The following ADAMTSL3 variants were observed in gnomAD, a reference collection of about 807,000 sequenced individuals.
ADAMTSL3 encodes ADAMTS like 3.
In ADAMTSL3, 128 loss-of-function variants were observed where a neutral mutation model predicts 201.7. The ratio of observed to expected loss-of-function variants is 0.63; its 90% CI spans 0.55 to 0.73. The LOEUF (loss-of-function observed/expected upper bound fraction) is 0.73, where lower values mean the gene tolerates loss of function less well. ADAMTSL3 is among the 30% of genes least tolerant of loss of function. The pLI, the probability that ADAMTSL3 is intolerant of heterozygous loss-of-function variation, is 0.00. For missense variants in ADAMTSL3, 1,990 were observed against 2,119.6 expected (o/e 0.94, Z 1.20); for synonymous variants, 738 against 748.4 (o/e 0.99, Z 0.23).
chr15:83,950,275 A>T (rs62027811), intron 19 of ADAMTSL3, among the ~76,000 whole-genome samples: 1 of 151,916 alleles, frequency 6.6e-6, no homozygotes, highest in African/African-American at 2.4e-5. Context: ...CCTTTCCCCA[A>T]TGTATGATCT....
chr15:83,937,956 A>C (rs2066490491), intron 17 of ADAMTSL3, among the ~76,000 whole-genome samples: 1 of 151,008 alleles, frequency 6.6e-6, no homozygotes, highest in Non-Finnish European at 1.5e-5. Context: ...GAGCTAAGGG[A>C]GATTAAATTG....
Position 83,825,166 on chromosome 15 carries a change from C to T in ADAMTSL3, c.600+5119C>T, listed in dbSNP as rs554602220. Among the ~76,000 whole-genome samples the T allele has an allele frequency of 2.0e-5, 3 of 152,120 alleles. No homozygotes were observed. The East Asian group carries it at 5.8e-4, about 29-fold the overall frequency. On this transcript the variant is annotated intron_variant, in intron 6 of 29. Coordinates refer to ENST00000286744, the MANE Select transcript of ADAMTSL3 (RefSeq NM_207517.3). ...CATATAATTCTTCCATTTTATAAAC[C>T]GTCTATTGTTCCCCATTATTGCCAT... is the stretch of plus-strand genomic sequence containing the variant.
chr15:83,997,078 T>C (rs1567291237), intron 23 of ADAMTSL3, among the ~76,000 whole-genome samples: 1 of 152,142 alleles, frequency 6.6e-6, no homozygotes, highest in African/African-American at 2.4e-5. Context: ...TAAAATCTGA[T>C]CAAGTCAAAG....
At chr15:84,007,674 C>T (rs2067919505) in intron 23 of ADAMTSL3, among the ~76,000 whole-genome samples, 1 of 152,084 alleles carries the variant, frequency 6.6e-6, no homozygotes. Flanking sequence ...ACATCATAAG[C>T]AGTTTATTTT....
At chr15:84,032,758 G>C (rs896798921) in intron 28 of ADAMTSL3, among the ~76,000 whole-genome samples, 1 of 152,010 alleles carries the variant, frequency 6.6e-6, no homozygotes, top group African/African-American at 2.4e-5. Context: ...ATGGACATTG[G>C]ATAGTTTCAA....
chr15:83,979,127 C>T (rs2067340395), intron 20 of ADAMTSL3, among the ~76,000 whole-genome samples: 1 of 152,260 alleles, frequency 6.6e-6, no homozygotes, highest in Admixed American at 6.5e-5. Context: ...TTTAGCCAGA[C>T]GTTTCCCCAT....
chr15:83,824,566 A>G (rs1224480669), intron 6 of ADAMTSL3, among the ~76,000 whole-genome samples: 1 of 152,192 alleles, frequency 6.6e-6, no homozygotes, highest in Non-Finnish European at 1.5e-5. Context: ...GTATAATGAC[A>G]TGTATCCACT....
chr15:83,910,783 C>T (rs528208575), intron 15 of ADAMTSL3, among the ~76,000 whole-genome samples: 1 of 151,532 alleles, frequency 6.6e-6, no homozygotes, highest in South Asian at 2.1e-4. Flanking sequence ...TACAGGCATG[C>T]ACCACCATGA....
intron 2 of ADAMTSL3, among the ~76,000 whole-genome samples, chr15:83,689,491 T>G (rs1263071315): frequency 1.3e-5 from 2 of 152,250 alleles, no homozygotes; most frequent in Non-Finnish European, 2.9e-5. Flanking sequence ...ACAAATGGAA[T>G]CATACCTTGC....
At chr15:84,033,345 A>T (rs924245429) in intron 28 of ADAMTSL3, among the ~76,000 whole-genome samples, 4 of 152,246 alleles carry the variant, frequency 2.6e-5, no homozygotes, top group African/African-American at 9.6e-5. Flanking sequence ...GATTGACCAA[A>T]TCCTCAATGT....
intron 19 of ADAMTSL3, among the ~76,000 whole-genome samples, chr15:83,959,790 C>A (rs1252276457): frequency 6.6e-6 from 1 of 152,174 alleles, no homozygotes; most frequent in Admixed American, 6.5e-5. Flanking sequence ...ATTATGACAT[C>A]TCCTCTCTCT....
chr15:83,817,173 C>T (rs1012873886), intron 5 of ADAMTSL3, among the ~76,000 whole-genome samples: 10 of 152,144 alleles, frequency 6.6e-5, no homozygotes, highest in African/African-American at 2.4e-4. Flanking sequence ...TCTATCTATT[C>T]CCTATCTACT....
At chr15:83,808,892 T>C in intron 5 of ADAMTSL3, among the ~76,000 whole-genome samples, 1 of 136,216 alleles carries the variant, frequency 7.3e-6, no homozygotes, top group Admixed American at 7.5e-5. Flanking sequence ...AAATACCACA[T>C]AATCTCATTC....
In ADAMTSL3 at chr15:84,014,686, T is replaced by C. The variant is rs747945076; in HGVS notation, c.4118T>C (p.Leu1373Pro). The C allele has an allele frequency of 6.2e-7, 1 of 1,609,886 alleles. No individual in the cohort carries two copies. Among genetic ancestry groups the C allele is most frequent in the Non-Finnish European group, 8.5e-7 (1 of 1,178,952 alleles). ...GTYVCIATNA[L>P]GKAVATSVLH... ...TACGTCTGCATAGCCACCAATGCTCTTGGAAAGGCAGTGGCAACATCTGTA... is the reference window on the plus strand; with the variant it reads ...TACGTCTGCATAGCCACCAATGCTCCTGGAAAGGCAGTGGCAACATCTGTA... The change falls in exon 24 of 30, where the codon CTT becomes CCT. Residue 1373 changes from leucine to proline, a missense_variant. Leu to Pro is a moderately conservative substitution (Grantham distance 98). Coordinates refer to ENST00000286744, the MANE Select transcript of ADAMTSL3 (RefSeq NM_207517.3).
At chr15:83,984,744 A>G (rs752456378) in intron 21 of ADAMTSL3, among the ~76,000 whole-genome samples, 2 of 152,224 alleles carry the variant, frequency 1.3e-5, no homozygotes, top group African/African-American at 4.8e-5. Context: ...AAAATTACTG[A>G]TAACAGTGGA....
chr15:84,007,655 G>C (rs530396059), intron 23 of ADAMTSL3, among the ~76,000 whole-genome samples: 1 of 152,300 alleles, frequency 6.6e-6, no homozygotes, highest in South Asian at 2.1e-4. Context: ...TATGTTAGCA[G>C]ATCATAAAAC....
chr15:83,818,203 T>G (rs769930497), intron 5 of ADAMTSL3, among the ~76,000 whole-genome samples: 2 of 152,238 alleles, frequency 1.3e-5, no homozygotes, highest in Non-Finnish European at 2.9e-5. Flanking sequence ...TGTGAAGATT[T>G]AGATACAAAG....
intron 3 of ADAMTSL3, among the ~76,000 whole-genome samples, chr15:83,744,353 A>T (rs967027165): frequency 6.6e-5 from 10 of 152,132 alleles, no homozygotes; most frequent in Non-Finnish European, 1.2e-4. Flanking sequence ...TGATTTTCTC[A>T]TTCTCACTCT....
At chr15:83,978,666 G>C (rs938144764) in intron 20 of ADAMTSL3, among the ~76,000 whole-genome samples, 2 of 152,228 alleles carry the variant, frequency 1.3e-5, no homozygotes, top group Non-Finnish European at 2.9e-5. Context: ...GGCTCAAACT[G>C]TGGAACCTGG....
Sources: allele counts gnomAD v4.1 joint callset (sites outside exome capture counted in the v4.1 genomes callset), GRCh38; gene constraint gnomAD v4.1.1; transcripts MANE v1.5; gene names NCBI Gene and HGNC (gene_info 2026-07-23, HGNC 2026-07-21).